The following KLHL5 variants were observed in gnomAD, a reference collection of about 807,000 sequenced individuals.
KLHL5 encodes kelch-like protein 5.
KLHL5 carries 48 observed loss-of-function variants against 77.7 expected under a neutral mutation model. The observed-to-expected ratio is 0.62, with a 90% CI of 0.49 to 0.79. KLHL5 has a LOEUF of 0.79. Among genes scored for constraint, KLHL5 ranks in the 30% least tolerant of loss-of-function variants. The pLI is 0.00. For synonymous variants in KLHL5, 260 were observed against 297.0 expected, an observed-to-expected ratio of 0.88 and a Z score of 1.28; for missense variants, 723 against 859.7, an observed-to-expected ratio of 0.84 and a Z score of 1.99.
At chr4:39,104,610 T>C (rs1277856827) in intron 7 of KLHL5, among the ~76,000 whole-genome samples, 2 of 152,180 alleles carry the variant, frequency 1.3e-5, no homozygotes, top group Non-Finnish European at 2.9e-5. Flanking sequence ...ACAAAAGACT[T>C]TATTGAACTG....
intron 1 of KLHL5, among the ~76,000 whole-genome samples, chr4:39,052,220 A>C (rs1386313187): frequency 6.6e-6 from 1 of 152,100 alleles, no homozygotes; most frequent in African/African-American, 2.4e-5. Context: ...TCTCAGGTTC[A>C]AGTGATACTC....
intron 1 of KLHL5, among the ~76,000 whole-genome samples, chr4:39,047,487 T>G (rs1022560866): frequency 3.9e-5 from 6 of 152,220 alleles, no homozygotes; most frequent in Non-Finnish European, 7.3e-5. Flanking sequence ...CAACTGAGGT[T>G]TAATGAGAAT....
the KLHL5 span, among the ~76,000 whole-genome samples, chr4:39,136,961 C>G: frequency 2.2e-4 from 33 of 152,096 alleles, no homozygotes; most frequent in African/African-American, 7.7e-4. Flanking sequence ...GGTGTGGTAG[C>G]AGAAATTGGA....
chr4:39,113,373 C>T (rs1722601085), intron 9 of KLHL5, 141 bp downstream of exon 9: 1 of 647,416 alleles, frequency 1.5e-6, no homozygotes, highest in Non-Finnish European at 2.6e-6. Context: ...TTTATAACAG[C>T]CTGCTCTCAC....
chr4:39,087,058 A>C (rs1458045994), intron 5 of KLHL5, among the ~76,000 whole-genome samples: 1 of 151,810 alleles, frequency 6.6e-6, no homozygotes, highest in African/African-American at 2.4e-5. Context: ...CTACAGGTGC[A>C]TGCCACCATG....
At chr4:39,045,042 C>T (rs1431722077) in exon 1 of KLHL5, 1 of 993,204 alleles carries the variant, frequency 1.0e-6, no homozygotes, top group African/African-American at 1.7e-5. Context: ...CCCGCTCCTC[C>T]CGCCTGGCCG....
intron 5 of KLHL5, chr4:39,093,093 C>A (rs191360886): frequency 2.2e-5 from 10 of 455,852 alleles, no homozygotes; most frequent in Middle Eastern, 3.3e-4. Context: ...AAACTGGAAG[C>A]AACCTAAGAA....
chr4:39,067,741 C>T (rs1448733228), intron 1 of KLHL5, among the ~76,000 whole-genome samples: 1 of 150,484 alleles, frequency 6.6e-6, no homozygotes. Flanking sequence ...AATGCAGTGG[C>T]GGGATCTTGG....
chr4:39,115,768 T>G (rs1405004463), intron 10 of KLHL5: 1 of 1,070,632 alleles, frequency 9.3e-7, no homozygotes, highest in Non-Finnish European at 1.1e-6. Flanking sequence ...GATAACCTAA[T>G]GAAGATGGCA....
chr4:39,096,292 A>G (rs1721060604), intron 5 of KLHL5, among the ~76,000 whole-genome samples: 1 of 152,174 alleles, frequency 6.6e-6, no homozygotes, highest in South Asian at 2.1e-4. Flanking sequence ...AGCAAAGTTA[A>G]GTGAACGCAG....
chr4:39,074,188 G>T (rs986892971), intron 1 of KLHL5, among the ~76,000 whole-genome samples: 64 of 152,078 alleles, frequency 4.2e-4, no homozygotes, highest in African/African-American at 1.4e-3. Flanking sequence ...ATCCTTTCTA[G>T]ATAATATACA....
intron 1 of KLHL5, among the ~76,000 whole-genome samples, chr4:39,069,453 TATATATATATATATATATATACACAC>T (rs1276374617): frequency 3.2e-3 from 166 of 52,362 alleles, no homozygotes; most frequent in Non-Finnish European, 3.6e-3. Flanking sequence ...TATATATATA[TATATATATATATATATATATACACAC>T]ACACACACAC....
intron 6 of KLHL5, among the ~76,000 whole-genome samples, chr4:39,097,708 A>AG (rs1721189188): frequency 6.6e-6 from 1 of 152,230 alleles, no homozygotes; most frequent in Admixed American, 6.5e-5. Context: ...TCCAGATTAT[A>AG]GGAGACTAAA....
intron 4 of KLHL5, among the ~76,000 whole-genome samples, chr4:39,083,341 C>T (rs1719787369): frequency 6.6e-6 from 1 of 152,110 alleles, no homozygotes; most frequent in African/African-American, 2.4e-5. Flanking sequence ...CCATTGTTGT[C>T]ATCATCATTA....
At chr4:39,060,128 T>C (rs1389588649), upstream of KLHL5, among the ~76,000 whole-genome samples, 1 of 152,130 alleles carries the variant, frequency 6.6e-6, no homozygotes, top group Non-Finnish European at 1.5e-5. Context: ...GATTATTAAT[T>C]TATATTTCCA....
intron 7 of KLHL5, 130 bp downstream of exon 7, chr4:39,103,641 C>A: frequency 1.4e-6 from 1 of 701,500 alleles, no homozygotes; most frequent in South Asian, 1.8e-5. Flanking sequence ...TCCTCACATG[C>A]TGCAATAAAG....
chr4:39,057,598 A>T (rs1717088833), upstream of KLHL5, among the ~76,000 whole-genome samples: 1 of 152,214 alleles, frequency 6.6e-6, no homozygotes, highest in Non-Finnish European at 1.5e-5. Context: ...AATTTGACAA[A>T]GTTTAAAAAG....
At chr4:39,044,906 C>G, upstream of KLHL5, 2 of 983,196 alleles carry the variant, frequency 2.0e-6, no homozygotes, top group Non-Finnish European at 2.4e-6. Flanking sequence ...CTGGCGCCGC[C>G]TGACGGAGCG....
intron 2 of KLHL5, among the ~76,000 whole-genome samples, chr4:39,076,545 C>T (rs1029302652): frequency 2.6e-5 from 4 of 151,922 alleles, no homozygotes; most frequent in African/African-American, 9.7e-5. Context: ...TTTAAAATAG[C>T]CATATCTATC....
Sources: gnomAD v4.1 joint callset for allele counts (sites outside exome capture counted in the v4.1 genomes callset) on GRCh38, gnomAD v4.1.1 for gene constraint, MANE v1.5 for transcripts, NCBI Gene and HGNC (gene_info 2026-07-23, HGNC 2026-07-21) for gene names.